SETD1B: variants seen among roughly 807,000 people sequenced by gnomAD.
The protein encoded by SETD1B is SET domain containing 1B, histone lysine methyltransferase, also known as histone-lysine N-methyltransferase SETD1B.
Under a neutral mutation model 148.0 loss-of-function variants are expected in SETD1B, and 7 were observed. The observed-to-expected ratio is 0.05, with a 90% CI of 0.03 to 0.09. The LOEUF is 0.09. SETD1B is among the 10% of genes least tolerant of loss of function. SETD1B has a pLI of 1.00. For missense variants in SETD1B, 2,155 were observed against 2,729.9 expected, an observed-to-expected ratio of 0.79 and a Z score of 4.69; for synonymous variants, 1,361 against 1,186.5, an observed-to-expected ratio of 1.15 and a Z score of -3.02.
chr12:121,822,983 G>A lies in SETD1B; in HGVS notation c.4404G>A (p.Leu1468=), dbSNP rs1287442009. 6.5e-7 allele frequency: 1 copy of A among 1,535,454 alleles called. No homozygotes were observed. The highest frequency in any genetic ancestry group is 8.8e-7 in the Non-Finnish European group (1 of 1,142,000). ...GGCCCCTGGCCTCCCCGGTGCTCCTGGAGACGGGCCTGCCCCTCCCTCTGC... is the reference window on the plus strand; with the variant it reads ...GGCCCCTGGCCTCCCCGGTGCTCCTAGAGACGGGCCTGCCCCTCCCTCTGC... ...RSGPLASPVL[L]ETGLPLPLPL... The change falls in exon 12 of 17, where the codon CTG becomes CTA. Residue 1468 remains leucine (L), a synonymous_variant. Coordinates refer to ENST00000604567, the MANE Select transcript of SETD1B (RefSeq NM_001353345.2).
Position 121,810,400 on chromosome 12 carries a change from G to C in SETD1B, c.1455G>C (p.Leu485=). The C allele has an allele frequency of 6.5e-7, 1 of 1,548,922 alleles. No individual in the cohort carries two copies. The highest frequency in any genetic ancestry group is 8.7e-7 in the Non-Finnish European group (1 of 1,146,922). The change falls in exon 6 of 17, where the codon CTG becomes CTC. Residue 485 remains leucine, a synonymous_variant. Transcript: ENST00000604567. The surrounding 1 kb of genome is among the most constrained non-coding windows in gnomAD (Gnocchi z 7.6). ...EPCDSPGTPT[L]ESSPAGPEKP... ...GTGACAGCCCTGGCACGCCCACGCT[G>C]GAGTCGTCCCCTGCAGGGCCAGAGA...
Position 121,808,355 on chromosome 12 carries a change from G to A in SETD1B, c.657+35G>A, listed in dbSNP as rs949023509. On this transcript the variant is annotated intron_variant, in intron 5 of 16. Coordinates refer to ENST00000604567, the MANE Select transcript of SETD1B (RefSeq NM_001353345.2). The surrounding 1 kb of genome is among the most constrained non-coding windows in gnomAD (Gnocchi z 5.3). ...TGGCCGTCAGTCTGCCCCATCGCCA[G>A]CTCTTTGATGTGCCCCCCACCTCTG... The A allele has an allele frequency of 3.5e-6, 5 of 1,414,336 alleles. No individual in the cohort carries two copies. The highest frequency in any genetic ancestry group is 3.9e-6 in the Non-Finnish European group (4 of 1,025,848). 87.6% of individuals were successfully genotyped at this position (1,414,336 alleles called of 1,614,324 possible).
At chr12:121,800,071 C>G (rs1875252695), upstream of SETD1B, 1 of 152,124 alleles carries the variant, frequency 6.6e-6, no homozygotes, top group African/African-American at 2.4e-5. Context: ...GACGCCGCCC[C>G]TCCCCCAGCG....
At position 121,805,049 on chromosome 12, in the gene SETD1B, G is replaced by A. The variant is rs934836131; in HGVS notation, c.175-69G>A. On this transcript the variant is annotated intron_variant, in intron 2 of 16. Coordinates refer to ENST00000604567, the MANE Select transcript of SETD1B (RefSeq NM_001353345.2). This position sits in a 1 kb window ranked among gnomAD's most constrained non-coding sequence, Gnocchi z 4.2. ...AGCCCTGGAGTTTGACAAGTGCCTC[G>A]AGAAAGGGGTCTGCCCATGGGGAGG... The A allele has an allele frequency of 6.7e-7, 1 of 1,500,940 alleles. No individual in the cohort carries two copies. The highest frequency in any genetic ancestry group is 1.4e-5 in the African/African-American group (1 of 71,776). The allele number at this position is 1,500,940 out of a possible 1,614,324, so 93.0% of individuals were successfully genotyped here.
intron 5 of SETD1B, among the ~76,000 whole-genome samples, chr12:121,809,119 C>G (rs754364642): frequency 3.3e-5 from 5 of 152,192 alleles, no homozygotes; most frequent in Non-Finnish European, 5.9e-5. Context: ...AGTGATCCAC[C>G]TGCCTCGGCT....
chr12:121,797,854 G>T, the SETD1B span: 1 of 336,334 alleles, frequency 3.0e-6, no homozygotes, highest in East Asian at 8.4e-5. Flanking sequence ...TTAACAATGT[G>T]AACCTCAATT....
upstream of SETD1B, chr12:121,799,717 T>TGGGGGGGTG (rs1875205892): frequency 5.2e-5 from 1 of 19,134 alleles, no homozygotes; most frequent in African/African-American, 1.7e-4. Context: ...CGCTCGCAGC[T>TGGGGGGGTG]GGGGGGGGGG....
chr12:121,807,444 T>TAA (rs33988047), intron 4 of SETD1B, among the ~76,000 whole-genome samples: 3 of 132,774 alleles, frequency 2.3e-5, no homozygotes, highest in South Asian at 2.3e-4. Flanking sequence ...TTCAATTCTG[T>TAA]AAAAAAAAAA....
At chr12:121,792,972 C>A in the SETD1B span, among the ~76,000 whole-genome samples, 1 of 152,242 alleles carries the variant, frequency 6.6e-6, no homozygotes, top group South Asian at 2.1e-4. Context: ...CTTCCACTTA[C>A]GTATAGGGCT....
chr12:121,814,175 G>A lies in SETD1B; in HGVS notation c.1960G>A (p.Ala654Thr), dbSNP rs748639511. The change falls in exon 7 of 17, where the codon GCT (alanine) becomes ACT (threonine). Residue 654 changes from alanine (A) to threonine (T), a missense_variant. Ala to Thr is a moderately conservative substitution (Grantham distance 58). Coordinates refer to ENST00000604567, the MANE Select transcript of SETD1B (RefSeq NM_001353345.2). Reference sequence around the variant, plus strand: ...GATGCCCTCGGCCCCCATCACCAGCGCTGACTGCCCCAAGCCCATGGTGGT... The same window carrying A: ...GATGCCCTCGGCCCCCATCACCAGCACTGACTGCCCCAAGCCCATGGTGGT... ...DEMPSAPITS[A>T]DCPKPMVVTP... The A allele has an allele frequency of 1.1e-5, 17 of 1,546,506 alleles. No individual in the cohort carries two copies. The highest frequency in any genetic ancestry group is 4.1e-5 in the African/African-American group (3 of 72,304).
Position 121,819,737 on chromosome 12 carries a change from A to G in SETD1B, c.3752A>G (p.Asp1251Gly). 1 of 1,551,280 alleles carries G rather than the reference A, an allele frequency of 6.4e-7. No homozygotes were observed. Among genetic ancestry groups the G allele is most frequent in the Non-Finnish European group, 8.7e-7 (1 of 1,146,968 alleles). The change falls in exon 11 of 17, where the codon GAC (aspartate) becomes GGC (glycine). Residue 1251 changes from aspartate to glycine, a missense_variant. Coordinates refer to ENST00000604567, the MANE Select transcript of SETD1B (RefSeq NM_001353345.2). ...VAPEERPSML[D>G]EPPLPVGVEE... ...CCTGAGGAGCGGCCCTCCATGCTGGACGAGCCCCCCTTGCCTGTGGGTGTT... is the reference window on the plus strand; with the variant it reads ...CCTGAGGAGCGGCCCTCCATGCTGGGCGAGCCCCCCTTGCCTGTGGGTGTT...
intron 4 of SETD1B, among the ~76,000 whole-genome samples, chr12:121,807,199 C>G (rs1236110105): frequency 6.6e-6 from 1 of 152,130 alleles, no homozygotes; most frequent in Non-Finnish European, 1.5e-5. Flanking sequence ...TCCACGCACA[C>G]TTGCCGAGCC....
intron 4 of SETD1B, among the ~76,000 whole-genome samples, chr12:121,807,327 C>A (rs1002398949): frequency 2.9e-4 from 44 of 151,630 alleles, no homozygotes; most frequent in Admixed American, 5.3e-4. Flanking sequence ...GCAGTGAGGA[C>A]CTTGGGTGGC....
At position 121,823,135 on chromosome 12, in the gene SETD1B, C is replaced by T. The variant is rs1206117924; in HGVS notation, c.4556C>T (p.Pro1519Leu). The T allele has an allele frequency of 2.3e-5, 36 of 1,537,092 alleles. No homozygotes were observed. Among genetic ancestry groups the T allele is most frequent in the Non-Finnish European group, 2.8e-5 (32 of 1,145,904 alleles). The change falls in exon 12 of 17, where the codon CCG becomes CTG. Residue 1519 changes from proline to leucine, a missense_variant. Transcript: ENST00000604567. The stretch of plus-strand genomic sequence containing the variant: ...TGCCCTCCCCCAATGAAGAGGAAGC[C>T]GGGCCGGCCCCGGCGATCCCCACCA... ...ASCPPPMKRK[P>L]GRPRRSPPSM...
Position 121,823,746 on chromosome 12 carries a change from C to T in SETD1B, c.5167C>T (p.Pro1723Ser), listed in dbSNP as rs1876702692. The change falls in exon 12 of 17, where the codon CCC becomes TCC. Residue 1723 changes from proline to serine, a missense_variant. Around this residue, in one of 11 missense-constraint regions of SETD1B, gnomAD observed 96 missense variants for 148.7 expected, o/e 0.65. Transcript: ENST00000604567. The part of the protein sequence containing the change: ...WLNDTLWVYH[P>S]STSLSSAKKK... ...TAACGACACGCTCTGGGTCTACCAT[C>T]CCTATATCCTGCTGGCATGGGGGGC... 1 of 1,544,386 alleles carries T rather than the reference C, an allele frequency of 6.5e-7. No homozygotes were observed. Among genetic ancestry groups the T allele is most frequent in the Non-Finnish European group, 8.8e-7 (1 of 1,142,038 alleles).
chr12:121,830,139 A>T lies in SETD1B; in HGVS notation c.5801A>T (p.Asn1934Ile). The change falls in exon 17 of 17, where the codon AAC becomes ATC. Residue 1934 changes from asparagine (N) to isoleucine (I), a missense_variant. By Grantham distance (149) the Asn-to-Ile change is moderately radical (BLOSUM62 -3). Around this residue, in one of 11 missense-constraint regions of SETD1B, gnomAD observed 17 missense variants for 47.8 expected, o/e 0.36. Transcript: ENST00000604567. This position sits in a 1 kb window ranked among gnomAD's most constrained non-coding sequence, Gnocchi z 5.7. The stretch of plus-strand genomic sequence containing the variant: ...GTCATCTACTCGAAGCAGCACATTA[A>T]CGTCAATGAGGAGATTACCTATGAC... ...KIVIYSKQHI[N>I]VNEEITYDYK... The T allele has an allele frequency of 6.4e-7, 1 of 1,551,510 alleles. No individual in the cohort carries two copies. Among genetic ancestry groups the T allele is most frequent in the Non-Finnish European group, 8.7e-7 (1 of 1,146,854 alleles).
At chr12:121,796,876 T>C in the SETD1B span, among the ~76,000 whole-genome samples, 1 of 152,012 alleles carries the variant, frequency 6.6e-6, no homozygotes, top group Non-Finnish European at 1.5e-5. Flanking sequence ...CTGTCTCTAC[T>C]AAAAATACAA....
In SETD1B at chr12:121,822,479, C is replaced by T; in HGVS notation, c.3911-11C>T. ...ATAGTAAATGTCTCGTGTTCGCTCACCTCTCTGCAGAACATGACCTGGAAG... is the reference window on the plus strand; with the variant it reads ...ATAGTAAATGTCTCGTGTTCGCTCATCTCTCTGCAGAACATGACCTGGAAG... On this transcript the variant is annotated splice_polypyrimidine_tract_variant and intron_variant, in intron 11 of 16. Coordinates refer to ENST00000604567, the MANE Select transcript of SETD1B (RefSeq NM_001353345.2). The T allele has an allele frequency of 6.5e-7, 1 of 1,531,482 alleles. No individual in the cohort carries two copies. 94.9% of individuals were successfully genotyped at this position (1,531,482 alleles called of 1,614,324 possible). A position where few individuals can be genotyped will look rare whatever the true frequency, so the allele number is the denominator to read the frequency against.
Position 121,819,756 on chromosome 12 carries a change from G to A in SETD1B, c.3771G>A (p.Val1257=), listed in dbSNP as rs1195011081. The A allele has an allele frequency of 6.4e-7, 1 of 1,551,538 alleles. No homozygotes were observed. The highest frequency in any genetic ancestry group is 8.7e-7 in the Non-Finnish European group (1 of 1,146,976). ...PSMLDEPPLP[V]GVEEPADSRE... is the part of the protein sequence containing the mutation. The stretch of plus-strand genomic sequence containing the variant: ...TGCTGGACGAGCCCCCCTTGCCTGT[G>A]GGTGTTGAAGAGCCAGCGGACTCCA... The change falls in exon 11 of 17, where the codon GTG becomes GTA. Residue 1257 remains valine (V), a synonymous_variant. Coordinates refer to ENST00000604567, the MANE Select transcript of SETD1B (RefSeq NM_001353345.2).
Sources: allele counts gnomAD v4.1 joint callset (sites outside exome capture counted in the v4.1 genomes callset), GRCh38; gene constraint gnomAD v4.1.1; regional missense constraint gnomAD v4.1.1; non-coding constraint Gnocchi (gnomAD v3.1); transcripts MANE v1.5; gene names NCBI Gene and HGNC (gene_info 2026-07-23, HGNC 2026-07-21).